TMPRSS11B: variants seen among roughly 807,000 people sequenced by gnomAD.
TMPRSS11B encodes the protein transmembrane serine protease 11B, also known as transmembrane protease serine 11B.
Under a neutral mutation model 44.7 loss-of-function variants are expected in TMPRSS11B, and 53 were observed. The ratio of observed to expected loss-of-function variants is 1.19; its 90% CI spans 0.95 to 1.49. TMPRSS11B has a LOEUF of 1.49. TMPRSS11B is among the 40% of genes most tolerant of loss of function. The probability of loss-of-function intolerance (pLI) is 0.00; values close to 1 mark genes in which losing one functional copy is unlikely to be tolerated. For synonymous variants in TMPRSS11B, 140 were observed against 159.2 expected, an observed-to-expected ratio of 0.88 and a Z score of 0.91; for missense variants, 526 against 494.8, an observed-to-expected ratio of 1.06 and a Z score of -0.60.
intron 2 of TMPRSS11B, among the ~76,000 whole-genome samples, chr4:68,239,483 T>C (rs571706291): frequency 6.6e-6 from 1 of 152,322 alleles, no homozygotes; most frequent in East Asian, 1.9e-4. Flanking sequence ...AAAATGTCTG[T>C]TGTTTAACCT....
At chr4:68,231,501 G>A (rs1238104905) in intron 6 of TMPRSS11B, 121 bp from the exon 7 acceptor site, 10 of 927,732 alleles carry the variant, frequency 1.1e-5, no homozygotes, top group South Asian at 1.8e-5. Context: ...AATTGATGAC[G>A]TTTCTTTCCT....
At chr4:68,240,442 T>TG (rs1395699620) in intron 2 of TMPRSS11B, among the ~76,000 whole-genome samples, 3 of 152,106 alleles carry the variant, frequency 2.0e-5, no homozygotes, top group Non-Finnish European at 4.4e-5. Context: ...CATTGAAGGG[T>TG]GAATTATCAT....
chr4:68,235,823 C>T (rs998089287), intron 4 of TMPRSS11B, among the ~76,000 whole-genome samples, 179 bp downstream of exon 4: 1 of 152,038 alleles, frequency 6.6e-6, no homozygotes, highest in Admixed American at 6.6e-5. Context: ...TCATGGAGAA[C>T]TTGATCTTTC....
intron 6 of TMPRSS11B, 114 bp downstream of exon 6, chr4:68,232,264 G>A (rs922546690): frequency 1.1e-4 from 108 of 959,752 alleles, no homozygotes; most frequent in Non-Finnish European, 1.4e-4. Flanking sequence ...CTAGTAATTC[G>A]GAAAGCGTGT....
intron 1 of TMPRSS11B, 85 bp downstream of exon 1, chr4:68,245,466 A>G (rs371647728): frequency 7.2e-7 from 1 of 1,391,188 alleles, no homozygotes; most frequent in African/African-American, 1.4e-5. Context: ...TTATAAAAAC[A>G]GTCAATTAAC....
Position 68,226,874 on chromosome 4 carries a change from T to C in TMPRSS11B, c.*1037A>G, listed in dbSNP as rs991152254. ...AAGCAAACAAATGACAAAAGGTGAA[T>C]ATGAAGACAATGGAAAATGTTATAT... is the stretch of plus-strand genomic sequence containing the variant. On this transcript the variant is annotated 3_prime_UTR_variant, in exon 10 of 10. Coordinates refer to ENST00000332644, the MANE Select transcript of TMPRSS11B (RefSeq NM_182502.3). 5 of 152,210 alleles carry C rather than the reference T, an allele frequency of 3.3e-5. No individual in the cohort carries two copies. The highest frequency in any genetic ancestry group is 7.3e-5 in the Non-Finnish European group (5 of 68,030). 9.4% of individuals were successfully genotyped at this position (152,210 alleles called of 1,614,324 possible).
chr4:68,237,912 G>C (rs886407158), intron 2 of TMPRSS11B, among the ~76,000 whole-genome samples: 5 of 152,254 alleles, frequency 3.3e-5, no homozygotes, highest in African/African-American at 9.6e-5. Flanking sequence ...AGCTACTGAG[G>C]AAGCTGAAGT....
chr4:68,242,364 A>G (rs112022520), intron 1 of TMPRSS11B, among the ~76,000 whole-genome samples: 14 of 53,228 alleles, frequency 2.6e-4, no homozygotes, highest in Non-Finnish European at 1.1e-4. Context: ...ATATTATATT[A>G]TATATAATAT....
At chr4:68,237,058 A>C (rs1031287195) in intron 2 of TMPRSS11B, among the ~76,000 whole-genome samples, 4 of 151,854 alleles carry the variant, frequency 2.6e-5, no homozygotes, top group Non-Finnish European at 5.9e-5. Flanking sequence ...CATCTACATT[A>C]GTTATTTCTC....
At chr4:68,235,679 T>A (rs866355093) in intron 4 of TMPRSS11B, among the ~76,000 whole-genome samples, 28 of 152,214 alleles carry the variant, frequency 1.8e-4, no homozygotes, top group African/African-American at 4.8e-4. Flanking sequence ...TATAATTATC[T>A]TTCATCATAG....
intron 1 of TMPRSS11B, 34 bp from the exon 2 acceptor site, chr4:68,241,838 T>A (rs750548790): frequency 1.4e-5 from 18 of 1,296,124 alleles, no homozygotes; most frequent in African/African-American, 7.3e-5. Context: ...TCAAATCAGA[T>A]AATAACAATC....
chr4:68,232,819 A>G (rs1351634049), intron 5 of TMPRSS11B, among the ~76,000 whole-genome samples: 6 of 151,796 alleles, frequency 4.0e-5, no homozygotes, highest in Non-Finnish European at 5.9e-5. Flanking sequence ...TTAACTCGTC[A>G]TTTAACATTA....
chr4:68,229,842 G>T lies in TMPRSS11B; in HGVS notation c.687-326C>A, dbSNP rs1266311548. Among the ~76,000 whole-genome samples the T allele has an allele frequency of 1.2e-4, 18 of 152,166 alleles. No individual in the cohort carries two copies. In the East Asian group the frequency reaches 3.3e-3, roughly 28 times the overall value. On this transcript the variant is annotated intron_variant, in intron 7 of 9. Coordinates refer to ENST00000332644, the MANE Select transcript of TMPRSS11B (RefSeq NM_182502.3). ...CATGAGCGTCCTCAATTCCGTAAGT[G>T]GATGGGGTCCAGGATTAGTCTTATT...
chr4:68,234,396 G>T (rs1169339172), intron 5 of TMPRSS11B, 67 bp downstream of exon 5: 4 of 1,517,950 alleles, frequency 2.6e-6, no homozygotes, highest in East Asian at 4.6e-5. Context: ...TCACTTTTTA[G>T]TACTTTTTAA....
chr4:68,236,227 C>G lies in TMPRSS11B; in HGVS notation c.164G>C (p.Gly55Ala), dbSNP rs1469307390. 15 of 1,611,416 alleles carry G rather than the reference C, an allele frequency of 9.3e-6. No homozygotes were observed. The highest frequency in any genetic ancestry group is 1.3e-5 in the Non-Finnish European group (15 of 1,178,800). The part of the protein sequence containing the change: ...YYYQGDFHIS[G>A]VTYNDNCENA... ...TTCACAATTATCATTGTATGTGACT[C>G]CAGAAATATGAAAATCACCTTGATA... Residue 55 changes from glycine (G) to alanine (A), a missense_variant, in exon 3 of 10, where the codon GGA (glycine) becomes GCA (alanine). Coordinates refer to ENST00000332644, the MANE Select transcript of TMPRSS11B (RefSeq NM_182502.3).
In TMPRSS11B at chr4:68,227,927, G is replaced by T. The variant is rs748451507; in HGVS notation, c.1235C>A (p.Ser412Tyr). Residue 412 changes from serine (S) to tyrosine (Y), a missense_variant, in exon 10 of 10, where the codon TCC (serine) becomes TAC (tyrosine). Coordinates refer to ENST00000332644, the MANE Select transcript of TMPRSS11B (RefSeq NM_182502.3). The part of the protein sequence containing the change: ...RVTSYRNWIT[S>Y]KTGL Reference sequence around the variant, plus strand: ...CCTTTTTTTTCAGAGTCCAGTCTTGGATGTAATCCAATTGCGATAAGAAGT... The same window carrying T: ...CCTTTTTTTTCAGAGTCCAGTCTTGTATGTAATCCAATTGCGATAAGAAGT... 6.2e-7 allele frequency: 1 copy of T among 1,611,368 alleles called. No individual in the cohort carries two copies. The highest frequency in any genetic ancestry group is 1.1e-5 in the South Asian group (1 of 90,490).
chr4:68,242,284 T>TA lies in TMPRSS11B; in HGVS notation c.9-481_9-480insT, dbSNP rs1216457824. Among the ~76,000 whole-genome samples the TA allele has an allele frequency of 1.3e-3, 98 of 77,360 alleles. 2 individuals are homozygous for TA. The highest frequency in any genetic ancestry group is 5.4e-3 in the African/African-American group (92 of 17,176). The allele number at this position is 77,360 out of a possible 152,430, so 50.8% of individuals were successfully genotyped here. A position where few individuals can be genotyped will look rare whatever the true frequency, so the allele number is the denominator to read the frequency against. ...TATATATAATATAATATTATATATA[T>TA]TATATTATACATAATATAATATATA... On this transcript the variant is annotated intron_variant, in intron 1 of 9. Transcript: ENST00000332644.
chr4:68,237,400 A>G (rs1719702447), intron 2 of TMPRSS11B, among the ~76,000 whole-genome samples: 1 of 152,146 alleles, frequency 6.6e-6, no homozygotes, highest in Non-Finnish European at 1.5e-5. Context: ...AATAAACATA[A>G]GGGTGCATAT....
Position 68,245,688 on chromosome 4 carries a change from A to T in TMPRSS11B, c.-130T>A. ...AACCTTCTGACGCAGCTTTTGACTT[A>T]TGTGCTACATCCAGTGTTGGAGCTT... is the stretch of plus-strand genomic sequence containing the variant. On this transcript the variant is annotated 5_prime_UTR_variant, in exon 1 of 10. Coordinates refer to ENST00000332644, the MANE Select transcript of TMPRSS11B (RefSeq NM_182502.3). 2 of 1,089,494 alleles carry T rather than the reference A, an allele frequency of 1.8e-6. No homozygotes were observed. Among genetic ancestry groups the T allele is most frequent in the East Asian group, 4.9e-5 (2 of 41,058 alleles). 67.5% of individuals were successfully genotyped at this position (1,089,494 alleles called of 1,614,324 possible). A position where few individuals can be genotyped will look rare whatever the true frequency, so the allele number is the denominator to read the frequency against.
Sources: allele counts gnomAD v4.1 joint callset (sites outside exome capture counted in the v4.1 genomes callset), GRCh38; gene constraint gnomAD v4.1.1; transcripts MANE v1.5; gene names NCBI Gene and HGNC (gene_info 2026-07-23, HGNC 2026-07-21).